The following POLA1 variants were observed in gnomAD, a reference collection of about 807,000 sequenced individuals.
The protein encoded by POLA1 is DNA polymerase alpha catalytic subunit.
Under a neutral mutation model 124.0 loss-of-function variants are expected in POLA1, and 15 were observed. The ratio of observed to expected loss-of-function variants is 0.12; its 90% CI spans 0.08 to 0.19. The LOEUF is 0.19. Ranked by LOEUF, POLA1 falls within the 10% of genes least tolerant of loss-of-function variation. The pLI is 1.00. For synonymous variants in POLA1, 408 were observed against 389.4 expected, an observed-to-expected ratio of 1.05 and a Z score of -0.56; for missense variants, 886 against 1,103.4, an observed-to-expected ratio of 0.80 and a Z score of 2.79.
At chrX:24,864,644 C>G (rs977840623) in intron 34 of POLA1, among the ~76,000 whole-genome samples, 1 of 111,079 alleles carries the variant, frequency 9.0e-6, no homozygotes, top group Non-Finnish European at 1.9e-5. Flanking sequence ...CCATTTTTAT[C>G]TTTTTCAATT....
intron 34 of POLA1, among the ~76,000 whole-genome samples, chrX:24,868,484 A>T (rs1487954454): frequency 3.6e-5 from 4 of 112,179 alleles, no homozygotes; most frequent in Non-Finnish European, 7.5e-5. Flanking sequence ...TTACTTCCCA[A>T]AGTCATGTAC....
chrX:24,901,447 G>A (rs185462480), intron 35 of POLA1, among the ~76,000 whole-genome samples: 1 of 111,393 alleles, frequency 9.0e-6, no homozygotes, highest in African/African-American at 3.3e-5. Context: ...GAACGATGGG[G>A]AAAGCCGAAA....
intron 35 of POLA1, among the ~76,000 whole-genome samples, chrX:24,908,369 C>A (rs2047396811): frequency 1.0e-5 from 1 of 100,139 alleles, no homozygotes; most frequent in African/African-American, 3.7e-5. Context: ...AGTATATCTC[C>A]TAATGGTATC....
rs192501678 is a variant in POLA1, at chrX:24,963,139, G to A, written c.4261+32590G>A. On this transcript the variant is annotated intron_variant, in intron 36 of 36. Coordinates refer to ENST00000379068, the MANE Select transcript of POLA1 (RefSeq NM_001330360.2). ...CCAAAACATACACATAGAAAGGCCTGATTAATAACAAACATTATTATGAAG... is the reference window on the plus strand; with the variant it reads ...CCAAAACATACACATAGAAAGGCCTAATTAATAACAAACATTATTATGAAG... Among the ~76,000 whole-genome samples the A allele has an allele frequency of 3.6e-5, 4 of 111,853 alleles. No individual in the cohort carries two copies. The East Asian group carries it at 1.1e-3, about 31-fold the overall frequency.
chrX:24,727,605 G>A (rs1214427478), intron 14 of POLA1, among the ~76,000 whole-genome samples, 177 bp from the exon 15 acceptor site: 3 of 112,201 alleles, frequency 2.7e-5, no homozygotes, highest in African/African-American at 9.7e-5. Flanking sequence ...GTACACACAC[G>A]TGAGGATTTG....
At chrX:24,916,476 A>G (rs1009192535) in intron 35 of POLA1, among the ~76,000 whole-genome samples, 2 of 109,523 alleles carry the variant, frequency 1.8e-5, no homozygotes, top group African/African-American at 6.7e-5. Context: ...ACAGGGTTTC[A>G]CCATGTTGGC....
chrX:24,894,769 CTTTCT>C (rs760134792), intron 35 of POLA1, among the ~76,000 whole-genome samples: 28 of 107,946 alleles, frequency 2.6e-4, no homozygotes, highest in East Asian at 8.5e-4. Context: ...ACTCTATTTT[CTTTCT>C]TTTCTTTTCT....
rs11573385 is a variant in POLA1, at chrX:24,761,927, C to T, written c.2964+12935C>T. Among the ~76,000 whole-genome samples the T allele has an allele frequency of 9.9e-4, 111 of 112,063 alleles. 3 individuals carry two copies. The South Asian group carries it at 0.042, about 42-fold the overall frequency. On this transcript the variant is annotated intron_variant, in intron 26 of 36. Coordinates refer to ENST00000379068, the MANE Select transcript of POLA1 (RefSeq NM_001330360.2). ...GCTTGGGAAGCTAAACTTGTGATTA[C>T]TTACTAGTAAACAAGAGAAAGGACC...
chrX:24,815,495 A>G (rs774378648), intron 30 of POLA1, among the ~76,000 whole-genome samples: 8 of 111,042 alleles, frequency 7.2e-5, no homozygotes, highest in Non-Finnish European at 1.3e-4. Context: ...CTGTAAGCTT[A>G]TTGTGTGCAT....
intron 36 of POLA1, among the ~76,000 whole-genome samples, chrX:24,966,993 T>G (rs1168938083): frequency 9.0e-6 from 1 of 111,681 alleles, no homozygotes; most frequent in Non-Finnish European, 1.9e-5. Context: ...TTAATAACAT[T>G]TTGGTGTTGA....
At chrX:24,963,129 A>G (rs1397421724) in intron 36 of POLA1, among the ~76,000 whole-genome samples, 1 of 112,159 alleles carries the variant, frequency 8.9e-6, no homozygotes, top group Admixed American at 9.5e-5. Flanking sequence ...ACATACACAT[A>G]GAAAGGCCTG....
chrX:24,983,572 G>T (rs939564649), intron 36 of POLA1, among the ~76,000 whole-genome samples: 2 of 112,359 alleles, frequency 1.8e-5, no homozygotes, highest in Non-Finnish European at 3.8e-5. Context: ...GAGTCTCCAC[G>T]TTCTTAGCCT....
At chrX:24,849,704 C>T (rs186332647) in intron 34 of POLA1, among the ~76,000 whole-genome samples, 1,087 of 105,832 alleles carry the variant, frequency 0.01, 5 homozygotes, top group Non-Finnish European at 0.018. Flanking sequence ...AATCTCAGCT[C>T]ACTGCAAGCT....
At position 24,995,974 on chromosome X, in the gene POLA1, AG is replaced by A. The variant is rs747956556; in HGVS notation, c.*29del. On this transcript the variant is annotated 3_prime_UTR_variant, in exon 37 of 37. Coordinates refer to ENST00000379068, the MANE Select transcript of POLA1 (RefSeq NM_001330360.2). ...AAGGGAATCCCAGGAGTAACCAAGG[AG>A]GGGGTAGTTGAAAAATCCCAGCTTC... 1 of 1,192,540 alleles carries A rather than the reference AG, an allele frequency of 8.4e-7. No individual in the cohort carries two copies. Among genetic ancestry groups the A allele is most frequent in the Non-Finnish European group, 1.1e-6 (1 of 883,535 alleles).
chrX:24,836,718 C>G (rs974723455), intron 32 of POLA1, among the ~76,000 whole-genome samples: 2 of 111,293 alleles, frequency 1.8e-5, no homozygotes, highest in African/African-American at 6.5e-5. Flanking sequence ...CAGGCATTTC[C>G]TATGTGTTCT....
At chrX:24,896,565 ATTC>A (rs1370184504) in intron 35 of POLA1, among the ~76,000 whole-genome samples, 6 of 112,069 alleles carry the variant, frequency 5.4e-5, no homozygotes, top group African/African-American at 1.3e-4. Context: ...GCCCAAGACA[ATTC>A]TTCTTCTTCC....
At chrX:24,705,151 A>G (rs1928713274) in intron 4 of POLA1, among the ~76,000 whole-genome samples, 1 of 111,305 alleles carries the variant, frequency 9.0e-6, no homozygotes, top group Non-Finnish European at 1.9e-5. Flanking sequence ...CATACAATTC[A>G]CATATTTAAA....
chrX:24,741,088 AT>A (rs1183494586), intron 20 of POLA1, among the ~76,000 whole-genome samples: 3 of 105,243 alleles, frequency 2.9e-5, no homozygotes, highest in Non-Finnish European at 5.8e-5. Context: ...TAGTTATTAT[AT>A]TACTTCAGTT....
intron 36 of POLA1, among the ~76,000 whole-genome samples, chrX:24,975,634 G>A (rs754234444): frequency 1.2e-4 from 13 of 112,151 alleles, no homozygotes; most frequent in Admixed American, 9.4e-4. Flanking sequence ...GAGAATGAGA[G>A]TGGAAAAAGC....
Sources: allele counts gnomAD v4.1 joint callset (sites outside exome capture counted in the v4.1 genomes callset), GRCh38; gene constraint gnomAD v4.1.1; transcripts MANE v1.5; gene names NCBI Gene and HGNC (gene_info 2026-07-23, HGNC 2026-07-21).